RGS3: variants seen among roughly 807,000 people sequenced by gnomAD.
RGS3 encodes the protein regulator of G protein signaling 3.
RGS3 carries 80 observed loss-of-function variants against 132.6 expected under a neutral mutation model. The observed-to-expected ratio is 0.60, with a 90% CI of 0.50 to 0.73. The LOEUF (loss-of-function observed/expected upper bound fraction) is 0.73. RGS3 is among the 30% of genes least tolerant of loss of function. RGS3 has a pLI of 0.00. For missense variants in RGS3, 1,382 were observed against 1,530.8 expected (o/e 0.90, Z 1.62); for synonymous variants, 598 against 620.6 (o/e 0.96, Z 0.54).
At chr9:113,577,748 G>A (rs1834598778) in intron 19 of RGS3, among the ~76,000 whole-genome samples, 2 of 152,076 alleles carry the variant, frequency 1.3e-5, no homozygotes, top group South Asian at 2.1e-4. Context: ...AGCAGATTTC[G>A]GTCTCCAGCC....
chr9:113,529,305 C>T (rs1174303054), intron 18 of RGS3, 41 bp downstream of exon 16: 3 of 1,519,742 alleles, frequency 2.0e-6, no homozygotes, highest in African/African-American at 2.7e-5. Flanking sequence ...AGATCTTCGA[C>T]CTGGTGCTTG....
Position 113,565,263 on chromosome 9 carries a change from T to C in RGS3, c.2038-18187T>C. 1 of 1,289,014 alleles carries C rather than the reference T, an allele frequency of 7.8e-7. No individual in the cohort carries two copies. Among genetic ancestry groups the C allele is most frequent in the Non-Finnish European group, 1.0e-6 (1 of 988,412 alleles). The allele number at this position is 1,289,014 out of a possible 1,614,324, so 79.8% of individuals were successfully genotyped here. A position where few individuals can be genotyped will look rare whatever the true frequency, so the allele number is the denominator to read the frequency against. ...CTTCTTTGAGACATCCCGGACTCCA[T>C]CTCGGATGAAAGTGCTTTGAGAAAC... is the stretch of plus-strand genomic sequence containing the variant. On this transcript the variant is annotated intron_variant, in intron 19 of 24. Transcript: ENST00000350696. This position sits in a 1 kb window ranked among gnomAD's most constrained non-coding sequence, Gnocchi z 5.7.
chr9:113,473,316 C>G (rs938155802), intron 3 of RGS3, among the ~76,000 whole-genome samples: 1 of 152,202 alleles, frequency 6.6e-6, no homozygotes, highest in Non-Finnish European at 1.5e-5. Context: ...AGTGGGGGCC[C>G]TGGACTGCCT....
Position 113,591,600 on chromosome 9 carries a change from A to G in RGS3, c.3080+203A>G. The G allele has an allele frequency of 1.8e-6, 1 of 560,904 alleles. No individual in the cohort carries two copies. Among genetic ancestry groups the G allele is most frequent in the Non-Finnish European group, 3.2e-6 (1 of 310,794 alleles). 34.7% of individuals were successfully genotyped at this position (560,904 alleles called of 1,614,324 possible). ...ACCTGGGTCCTGAGCATTCTCTCCA[A>G]GTGAGGCAAAGTGCTGATTCAGTAC... On this transcript the variant is annotated intron_variant, in intron 21 of 24. Transcript: ENST00000350696. This position sits in a 1 kb window ranked among gnomAD's most constrained non-coding sequence, Gnocchi z 4.4.
chr9:113,552,075 G>A (rs541614347), intron 19 of RGS3, among the ~76,000 whole-genome samples: 23 of 152,096 alleles, frequency 1.5e-4, no homozygotes, highest in East Asian at 5.8e-4. Flanking sequence ...TGCCTTTGGC[G>A]TATGATATTC....
chr9:113,590,961 A>G (rs1271135150), intron 20 of RGS3, among the ~76,000 whole-genome samples: 1 of 152,210 alleles, frequency 6.6e-6, no homozygotes, highest in Non-Finnish European at 1.5e-5. Flanking sequence ...TTTAGAAATT[A>G]AGGAATAGAG....
intron 3 of RGS3, among the ~76,000 whole-genome samples, chr9:113,470,497 A>G (rs1223846691): frequency 2.6e-5 from 4 of 152,196 alleles, no homozygotes; most frequent in Non-Finnish European, 5.9e-5. Context: ...GAAATCTATT[A>G]TTGTTATGAA....
chr9:113,478,328 G>A (rs1049352629), intron 3 of RGS3, among the ~76,000 whole-genome samples: 2 of 151,526 alleles, frequency 1.3e-5, no homozygotes, highest in Non-Finnish European at 2.9e-5. Context: ...GCTATAGTTC[G>A]TGGATATATT....
At chr9:113,530,860 T>G (rs1232520110) in intron 18 of RGS3, among the ~76,000 whole-genome samples, 1 of 152,186 alleles carries the variant, frequency 6.6e-6, no homozygotes, top group Non-Finnish European at 1.5e-5. Context: ...AGTACTATAA[T>G]TCAGGGAAGA....
intron 3 of RGS3, among the ~76,000 whole-genome samples, chr9:113,474,894 C>G (rs1046420614): frequency 1.3e-5 from 2 of 152,124 alleles, no homozygotes; most frequent in Non-Finnish European, 2.9e-5. Context: ...TGTGCAGTCC[C>G]CATCTACTTC....
chr9:113,528,475 A>G (rs1252258372), intron 17 of RGS3, among the ~76,000 whole-genome samples: 3 of 152,160 alleles, frequency 2.0e-5, no homozygotes, highest in African/African-American at 7.2e-5. Context: ...CTCCTTCAGG[A>G]AGCTTTTCCC....
chr9:113,511,045 T>C (rs1018775697), intron 14 of RGS3, among the ~76,000 whole-genome samples: 10 of 152,166 alleles, frequency 6.6e-5, no homozygotes, highest in African/African-American at 2.4e-4. Context: ...CTGAGTTGAA[T>C]AGGAGGGAGA....
intron 19 of RGS3, chr9:113,580,773 A>C (rs1434632053): frequency 1.0e-6 from 1 of 984,812 alleles, no homozygotes; most frequent in Admixed American, 6.1e-5. Context: ...GGGTTGGCAG[A>C]GGCAGGCTGA....
chr9:113,494,215 T>C (rs1336459314), intron 7 of RGS3, among the ~76,000 whole-genome samples: 1 of 152,106 alleles, frequency 6.6e-6, no homozygotes, highest in African/African-American at 2.4e-5. Context: ...ATACTGTCTT[T>C]TTTTTTCTCC....
intron 18 of RGS3, 159 bp from the exon 17 acceptor site, chr9:113,536,637 A>C: frequency 6.8e-7 from 1 of 1,469,080 alleles, no homozygotes; most frequent in Non-Finnish European, 9.0e-7. Flanking sequence ...GGCTGCCTCA[A>C]TGTCACTGGG....
At chr9:113,500,353 A>G (rs935683183) in intron 10 of RGS3, among the ~76,000 whole-genome samples, 2 of 152,224 alleles carry the variant, frequency 1.3e-5, no homozygotes, top group Non-Finnish European at 2.9e-5. Flanking sequence ...GGTTGAACCA[A>G]GGAACCCTCT....
chr9:113,529,616 G>A (rs965098680), intron 18 of RGS3, among the ~76,000 whole-genome samples: 2 of 152,178 alleles, frequency 1.3e-5, no homozygotes, highest in African/African-American at 2.4e-5. Context: ...TCTAGAGATC[G>A]CCCTGATTCC....
At chr9:113,457,952 C>A (rs1829397938), upstream of RGS3, among the ~76,000 whole-genome samples, 1 of 152,054 alleles carries the variant, frequency 6.6e-6, no homozygotes, top group Admixed American at 6.5e-5. Flanking sequence ...AGACAAAAAC[C>A]AAATAAGGTT....
At chr9:113,583,622 G>A (rs866504049) in exon 20 of RGS3, 38 of 1,613,968 alleles carry the variant, frequency 2.4e-5, no homozygotes, top group Non-Finnish European at 3.1e-5. Context: ...CCCGCTCCCA[G>A]CCAAGAACCA....
Sources: allele counts gnomAD v4.1 joint callset (sites outside exome capture counted in the v4.1 genomes callset), GRCh38; gene constraint gnomAD v4.1.1; non-coding constraint Gnocchi (gnomAD v3.1); transcripts MANE v1.5; gene names NCBI Gene and HGNC (gene_info 2026-07-23, HGNC 2026-07-21).